Variants in MEGF10 observed in about 807,000 individuals in gnomAD.
The protein encoded by MEGF10 is multiple epidermal growth factor-like domains protein 10.
Under a neutral mutation model 147.5 loss-of-function variants are expected in MEGF10, and 86 were observed. The observed-to-expected ratio is 0.58, with a 90% CI of 0.49 to 0.70. The LOEUF (loss-of-function observed/expected upper bound fraction) is 0.70. Ranked by LOEUF, MEGF10 falls within the 30% of genes least tolerant of loss-of-function variation. MEGF10 has a pLI of 0.00. For missense variants in MEGF10, 1,329 were observed against 1,487.3 expected, an observed-to-expected ratio of 0.89 and a Z score of 1.75; for synonymous variants, 478 against 525.5, an observed-to-expected ratio of 0.91 and a Z score of 1.24.
chr5:127,247,409 A>G, the MEGF10 span, among the ~76,000 whole-genome samples: 33 of 72,364 alleles, frequency 4.6e-4, no homozygotes, highest in African/African-American at 1.1e-3. Flanking sequence ...AAGAAGAAGA[A>G]GAAGAAGAAG....
At chr5:127,366,813 T>A (rs76596589) in intron 4 of MEGF10, among the ~76,000 whole-genome samples, 873 of 152,260 alleles carry the variant, frequency 5.7e-3, no homozygotes, top group Non-Finnish European at 9.9e-3. Context: ...TATCTAGCAA[T>A]CTCAAAGCAT....
At chr5:127,449,011 T>A in intron 21 of MEGF10, 88 bp from the exon 22 acceptor site, 1 of 1,536,844 alleles carries the variant, frequency 6.5e-7, no homozygotes, top group Non-Finnish European at 8.8e-7. Flanking sequence ...CCTCAATATG[T>A]GCCCTGGACT....
At chr5:127,260,242 G>C in the MEGF10 span, among the ~76,000 whole-genome samples, 1 of 152,072 alleles carries the variant, frequency 6.6e-6, no homozygotes, top group Non-Finnish European at 1.5e-5. Context: ...GTTTCAGGCT[G>C]TGTTGATCCA....
chr5:127,386,883 T>A (rs1763455288), intron 5 of MEGF10, among the ~76,000 whole-genome samples: 1 of 152,204 alleles, frequency 6.6e-6, no homozygotes, highest in Admixed American at 6.5e-5. Context: ...CTGTGCAGTG[T>A]CACATATAAC....
At chr5:127,397,609 A>C (rs1763966383) in intron 6 of MEGF10, among the ~76,000 whole-genome samples, 1 of 152,260 alleles carries the variant, frequency 6.6e-6, no homozygotes, top group Non-Finnish European at 1.5e-5. Context: ...TCCTGCCAAC[A>C]GTGTTAAACG....
intron 1 of MEGF10, among the ~76,000 whole-genome samples, chr5:127,298,067 G>A (rs1759589710): frequency 6.6e-6 from 1 of 152,168 alleles, no homozygotes. Context: ...TGGCTTGAGT[G>A]TTTAGAATTT....
chr5:127,391,084 A>G lies in MEGF10; in HGVS notation c.413-5448A>G, dbSNP rs1473816971. ...TATGTGTATATATACATACATACAC[A>G]CATGCGCGCGCGCGCGCGCACACAC... On this transcript the variant is annotated intron_variant, in intron 5 of 24. Coordinates refer to ENST00000503335, the MANE Select transcript of MEGF10 (RefSeq NM_001256545.2). 7.8e-3 allele frequency among the ~76,000 whole-genome samples: 732 copies of G among 93,634 alleles called. 8 individuals are homozygous for G. Among genetic ancestry groups the G allele is most frequent in the African/African-American group, 0.022 (705 of 31,696 alleles). The allele number at this position is 93,634 out of a possible 152,430, so 61.4% of individuals were successfully genotyped here. A position where few individuals can be genotyped will look rare whatever the true frequency, so the allele number is the denominator to read the frequency against.
intron 4 of MEGF10, among the ~76,000 whole-genome samples, chr5:127,349,682 CT>C (rs71573989): frequency 5.4e-4 from 79 of 146,850 alleles, no homozygotes; most frequent in African/African-American, 1.2e-3. Context: ...ACAGGACTTC[CT>C]TTTTTTTTTT....
the MEGF10 span, among the ~76,000 whole-genome samples, chr5:127,252,154 A>G: frequency 6.6e-6 from 1 of 152,048 alleles, no homozygotes; most frequent in East Asian, 1.9e-4. Flanking sequence ...TAACACAATG[A>G]TACCTTATTG....
At chr5:127,389,451 A>G (rs1430151814) in intron 5 of MEGF10, among the ~76,000 whole-genome samples, 3 of 152,210 alleles carry the variant, frequency 2.0e-5, no homozygotes, top group African/African-American at 7.2e-5. Flanking sequence ...AATTGTTCCA[A>G]CATAAAGATA....
the MEGF10 span, among the ~76,000 whole-genome samples, chr5:127,255,124 G>A: frequency 6.6e-6 from 1 of 151,988 alleles, no homozygotes; most frequent in African/African-American, 2.4e-5. Flanking sequence ...GTCAGCCTCT[G>A]GGTGGGGGCT....
chr5:127,321,806 G>A (rs147906848), intron 1 of MEGF10, among the ~76,000 whole-genome samples: 9 of 152,224 alleles, frequency 5.9e-5, no homozygotes, highest in Admixed American at 1.3e-4. Flanking sequence ...GACCTTGCCT[G>A]TACTCAGGCT....
In MEGF10 at chr5:127,369,955, A is replaced by G. The variant is rs375276332; in HGVS notation, c.365A>G (p.Asn122Ser). The G allele has an allele frequency of 5.9e-5, 95 of 1,612,906 alleles. No individual in the cohort carries two copies. In the East Asian group the frequency reaches 1.0e-3, roughly 17 times the overall value. The change falls in exon 5 of 25, where the codon AAC becomes AGC. Residue 122 changes from asparagine to serine, a missense_variant. Asn to Ser is a conservative substitution (Grantham distance 46). Around this residue, in one of 3 missense-constraint regions of MEGF10, gnomAD observed 980 missense variants for 1,085.9 expected, o/e 0.90. Coordinates refer to ENST00000503335, the MANE Select transcript of MEGF10 (RefSeq NM_001256545.2). ...KCVHGRCIAP[N>S]TCQCEPGWGG... ...GTCCATGGTCGCTGTATTGCTCCAA[A>G]CACCTGTCAGTGTGAGCCTGGCTGG...
the MEGF10 span, among the ~76,000 whole-genome samples, chr5:127,255,403 A>C: frequency 6.6e-6 from 1 of 152,136 alleles, no homozygotes; most frequent in African/African-American, 2.4e-5. Flanking sequence ...GGCCCATCTT[A>C]TAATCCTAAT....
intron 1 of MEGF10, among the ~76,000 whole-genome samples, chr5:127,326,629 C>A (rs1043127860): frequency 6.6e-6 from 1 of 152,160 alleles, no homozygotes; most frequent in African/African-American, 2.4e-5. Flanking sequence ...TAGCACACTG[C>A]CTCTGCCGGC....
chr5:127,336,708 G>A (rs556098221), intron 2 of MEGF10, among the ~76,000 whole-genome samples: 8 of 152,198 alleles, frequency 5.3e-5, no homozygotes, highest in South Asian at 2.1e-4. Flanking sequence ...TGGAAACTCT[G>A]TATCAGGTCT....
chr5:127,368,471 G>A (rs986492753), intron 4 of MEGF10, among the ~76,000 whole-genome samples: 4 of 152,098 alleles, frequency 2.6e-5, no homozygotes, highest in African/African-American at 9.7e-5. Context: ...TATAACAAAT[G>A]TATACTTTTC....
At chr5:127,413,623 A>G (rs993195707) in intron 9 of MEGF10, among the ~76,000 whole-genome samples, 3 of 152,236 alleles carry the variant, frequency 2.0e-5, no homozygotes, top group African/African-American at 7.2e-5. Context: ...TCATATACAC[A>G]AAGCAATCTG....
intron 4 of MEGF10, among the ~76,000 whole-genome samples, chr5:127,358,057 G>A (rs553411524): frequency 1.3e-5 from 2 of 152,316 alleles, no homozygotes; most frequent in Admixed American, 1.3e-4. Context: ...GCTTTCTCTT[G>A]AAACTGTAGC....
Sources: gnomAD v4.1 joint callset for allele counts (sites outside exome capture counted in the v4.1 genomes callset) on GRCh38, gnomAD v4.1.1 for gene constraint, gnomAD v4.1.1 regional missense constraint, MANE v1.5 for transcripts, NCBI Gene and HGNC (gene_info 2026-07-23, HGNC 2026-07-21) for gene names.